The following PCNX4 variants were observed in gnomAD, a reference collection of about 807,000 sequenced individuals.
PCNX4 encodes the protein pecanex-like protein 4.
In PCNX4, 103 loss-of-function variants were observed where a neutral mutation model predicts 107.2. That is an observed-to-expected ratio of 0.96 (90% CI 0.82 to 1.13). The LOEUF (loss-of-function observed/expected upper bound fraction) is 1.13. Among genes scored for constraint, PCNX4 ranks in the 50% most tolerant of loss-of-function variants. The probability of loss-of-function intolerance (pLI) is 0.00; values close to 1 mark genes in which losing one functional copy is unlikely to be tolerated. For synonymous variants in PCNX4, 541 were observed against 481.7 expected (o/e 1.12, Z -1.61); for missense variants, 1,528 against 1,379.4 (o/e 1.11, Z -1.71).
chr14:60,124,288 C>A lies in PCNX4; in HGVS notation c.2117C>A (p.Ala706Asp). ...ARRVDEVFED[A>D]FEQEYTRVCS... ...AGAGTTGATGAAGTTTTTGAAGATG[C>A]TTTTGAGCAAGAATACACAAGAGTA... The change falls in exon 9 of 11, where the codon GCT (alanine) becomes GAT (aspartate). Residue 706 changes from alanine (A) to aspartate (D), a missense_variant. Physicochemically the swap from Ala to Asp is moderately radical, Grantham distance 126. Coordinates refer to ENST00000406854, the MANE Select transcript of PCNX4 (RefSeq NM_001330177.2). 1 of 1,607,408 alleles carries A rather than the reference C, an allele frequency of 6.2e-7. No individual in the cohort carries two copies.
At chr14:60,094,779 C>G (rs1243188393) in intron 1 of PCNX4, among the ~76,000 whole-genome samples, 1 of 125,660 alleles carries the variant, frequency 8.0e-6, no homozygotes, top group Non-Finnish European at 1.6e-5. Flanking sequence ...CCACCCCCAT[C>G]TTTCTTTAAC....
intron 1 of PCNX4, among the ~76,000 whole-genome samples, chr14:60,095,766 C>A: frequency 6.8e-6 from 1 of 147,140 alleles, no homozygotes; most frequent in South Asian, 2.1e-4. Context: ...AGGCTCATTT[C>A]TAAGAGGTCA....
rs1896252899 is a variant in PCNX4, at chr14:60,137,442, A to T, written c.*3221A>T. ...AGTTAGGATCTTCTCACTTCCCAAA[A>T]CTGGATTCAGGTGACCCTTTGCTGC... On this transcript the variant is annotated 3_prime_UTR_variant, in exon 11 of 11. Coordinates refer to ENST00000406854, the MANE Select transcript of PCNX4 (RefSeq NM_001330177.2). The T allele has an allele frequency of 6.6e-6, 1 of 152,244 alleles. No individual in the cohort carries two copies. The highest frequency in any genetic ancestry group is 2.4e-5 in the African/African-American group (1 of 41,450). The allele number at this position is 152,244 out of a possible 1,614,324, so 9.4% of individuals were successfully genotyped here.
chr14:60,095,181 A>T (rs1895399975), intron 1 of PCNX4, among the ~76,000 whole-genome samples: 1 of 152,214 alleles, frequency 6.6e-6, no homozygotes, highest in African/African-American at 2.4e-5. Flanking sequence ...TGAGAAGTAC[A>T]CAATTGTCAT....
chr14:60,132,473 T>C (rs1764590989), intron 10 of PCNX4, among the ~76,000 whole-genome samples: 1 of 152,008 alleles, frequency 6.6e-6, no homozygotes, highest in African/African-American at 2.4e-5. Context: ...CAAAAATACA[T>C]CAAAGACCTA....
At chr14:60,125,398 A>G (rs1896036278) in intron 9 of PCNX4, 147 bp downstream of exon 9, 1 of 964,734 alleles carries the variant, frequency 1.0e-6, no homozygotes, top group Non-Finnish European at 1.4e-6. Flanking sequence ...GTGTAGTGTG[A>G]TTGTATCAAG....
intron 1 of PCNX4, among the ~76,000 whole-genome samples, chr14:60,099,476 A>C (rs1326674594): frequency 1.3e-5 from 2 of 152,216 alleles, no homozygotes; most frequent in Non-Finnish European, 2.9e-5. Flanking sequence ...TTCTTGCTTA[A>C]TAATGAAAAT....
chr14:60,110,032 T>C (rs75260093), intron 2 of PCNX4: 1 of 167,078 alleles, frequency 6.0e-6, no homozygotes, highest in African/African-American at 2.4e-5. Context: ...ACTTGAAGAT[T>C]TGGAAAATTT....
Position 60,107,780 on chromosome 14 carries a change from T to C in PCNX4, c.142T>C (p.Phe48Leu), listed in dbSNP as rs775996861. 1 of 1,612,834 alleles carries C rather than the reference T, an allele frequency of 6.2e-7. No individual in the cohort carries two copies. The highest frequency in any genetic ancestry group is 8.5e-7 in the Non-Finnish European group (1 of 1,179,828). Residue 48 changes from phenylalanine (F) to leucine (L), a missense_variant, in exon 2 of 11, where the codon TTT becomes CTT. Transcript: ENST00000406854. The stretch of plus-strand genomic sequence containing the variant: ...CATATATGTTAATCAAATTATTCTT[T>C]TTCTAATGCCATGGGTTTGGGGTGG... ...PYIYVNQIIL[F>L]LMPWVWGGVG...
chr14:60,115,094 T>A lies in PCNX4; in HGVS notation c.990T>A (p.Ser330Arg), dbSNP rs1895818573. The change falls in exon 4 of 11, where the codon AGT becomes AGA. Residue 330 changes from serine to arginine, a missense_variant. Coordinates refer to ENST00000406854, the MANE Select transcript of PCNX4 (RefSeq NM_001330177.2). Reference protein sequence around the residue: ...GFGFLLSLNLSDMGHKIGTKS... With the variant: ...GFGFLLSLNLRDMGHKIGTKS... ...GTTTCTTGCTGAGTCTGAACTTAAG[T>A]GATATGGGTCACAAAATTGGAACCA... 1 of 1,613,860 alleles carries A rather than the reference T, an allele frequency of 6.2e-7. No homozygotes were observed. The highest frequency in any genetic ancestry group is 1.7e-5 in the Admixed American group (1 of 60,008).
intron 1 of PCNX4, among the ~76,000 whole-genome samples, chr14:60,096,943 A>G (rs996864100): frequency 6.6e-6 from 1 of 152,248 alleles, no homozygotes; most frequent in Non-Finnish European, 1.5e-5. Context: ...TTGTCTTTTA[A>G]TAAGTGGGAA....
intron 7 of PCNX4, among the ~76,000 whole-genome samples, chr14:60,119,207 C>A (rs2140554666): frequency 6.6e-6 from 1 of 152,200 alleles, no homozygotes; most frequent in East Asian, 1.9e-4. Flanking sequence ...GGTACGGTAG[C>A]CTCCCAAAAT....
In PCNX4 at chr14:60,147,597, T is replaced by C. The variant is rs368511413; in HGVS notation, c.*13376T>C. 1 of 152,166 alleles carries C rather than the reference T, an allele frequency of 6.6e-6. No individual in the cohort carries two copies. Among genetic ancestry groups the C allele is most frequent in the Non-Finnish European group, 1.5e-5 (1 of 68,018 alleles). The allele number at this position is 152,166 out of a possible 1,614,324, so 9.4% of individuals were successfully genotyped here. A position where few individuals can be genotyped will look rare whatever the true frequency, so the allele number is the denominator to read the frequency against. On this transcript the variant is annotated 3_prime_UTR_variant, in exon 11 of 11. Coordinates refer to ENST00000406854, the MANE Select transcript of PCNX4 (RefSeq NM_001330177.2). ...AGCTGAGAAGGGGGAAAAAGCACAA[T>C]AGCTAACACTTAGAACACTCCAAGT...
At chr14:60,097,812 T>C (rs972320120) in intron 1 of PCNX4, among the ~76,000 whole-genome samples, 1 of 152,250 alleles carries the variant, frequency 6.6e-6, no homozygotes, top group Admixed American at 6.5e-5. Context: ...GATTTTTAGC[T>C]GACAGACTCA....
intron 2 of PCNX4, among the ~76,000 whole-genome samples, chr14:60,111,643 A>G (rs1357629928): frequency 2.6e-5 from 4 of 152,186 alleles, no homozygotes; most frequent in African/African-American, 9.6e-5. Context: ...AGTGAATCCT[A>G]GGTTCTTTAA....
rs1896387832 is a variant in PCNX4, at chr14:60,145,694, A to C, written c.*11473A>C. The C allele has an allele frequency of 6.6e-6, 1 of 152,158 alleles. No homozygotes were observed. The highest frequency in any genetic ancestry group is 1.5e-5 in the Non-Finnish European group (1 of 68,020). 9.4% of individuals were successfully genotyped at this position (152,158 alleles called of 1,614,324 possible). On this transcript the variant is annotated 3_prime_UTR_variant, in exon 11 of 11. Transcript: ENST00000406854. The surrounding 1 kb of genome is among the most constrained non-coding windows in gnomAD (Gnocchi z 4.0). ...TGTCTCAAAAAAAATAAAAAGAAAA[A>C]AAAATTATTTGTGAACTTTTTGTAT...
intron 6 of PCNX4, 127 bp downstream of exon 6, chr14:60,116,187 C>T: frequency 1.1e-6 from 1 of 906,754 alleles, no homozygotes; most frequent in South Asian, 2.2e-5. Flanking sequence ...TTCAACATCC[C>T]AAAAAGAAAC....
At position 60,115,779 on chromosome 14, in the gene PCNX4, C is replaced by T; in HGVS notation, c.1418C>T (p.Ser473Leu). ...SLDSSLQGLH[S>L]VSVCIGFTRA... ...GACAGTTCCTTACAAGGGCTCCACTCAGTGTCTGTCTGTATTGGATTCACA... is the reference window on the plus strand; with the variant it reads ...GACAGTTCCTTACAAGGGCTCCACTTAGTGTCTGTCTGTATTGGATTCACA... Residue 473 changes from serine (S) to leucine (L), a missense_variant, in exon 5 of 11, where the codon TCA (serine) becomes TTA (leucine). Ser to Leu is a moderately radical substitution (Grantham distance 145). Transcript: ENST00000406854. The T allele has an allele frequency of 6.2e-7, 1 of 1,613,194 alleles. No homozygotes were observed. The highest frequency in any genetic ancestry group is 1.1e-5 in the South Asian group (1 of 91,044).
Position 60,134,013 on chromosome 14 carries a change from T to A in PCNX4, c.3311T>A (p.Ile1104Asn). The change falls in exon 11 of 11, where the codon ATC becomes AAC. Residue 1104 changes from isoleucine to asparagine, a missense_variant. Coordinates refer to ENST00000406854, the MANE Select transcript of PCNX4 (RefSeq NM_001330177.2). The part of the protein sequence containing the change: ...GRVLSLQELL[I>N]QVGKLNPEAV... ...GTGCTTAGCCTTCAAGAATTATTGA[T>A]CCAAGTGGGAAAGTTAAATCCTGAA... 1.2e-6 allele frequency: 2 copies of A among 1,613,590 alleles called. No individual in the cohort carries two copies. Among genetic ancestry groups the A allele is most frequent in the Non-Finnish European group, 8.5e-7 (1 of 1,179,634 alleles).
Sources: allele counts gnomAD v4.1 joint callset (sites outside exome capture counted in the v4.1 genomes callset), GRCh38; gene constraint gnomAD v4.1.1; non-coding constraint Gnocchi (gnomAD v3.1); transcripts MANE v1.5; gene names NCBI Gene and HGNC (gene_info 2026-07-23, HGNC 2026-07-21).